Variants in UMODL1 observed in about 807,000 individuals in gnomAD.
UMODL1 encodes the protein uromodulin like 1.
In UMODL1, 128 loss-of-function variants were observed where a neutral mutation model predicts 136.3. The ratio of observed to expected loss-of-function variants is 0.94; its 90% CI spans 0.81 to 1.09. The LOEUF (loss-of-function observed/expected upper bound fraction) is 1.09, where lower values mean the gene tolerates loss of function less well. Ranked by LOEUF, UMODL1 falls within the 50% of genes least tolerant of loss-of-function variation. The probability of loss-of-function intolerance (pLI) is 0.00; values close to 1 mark genes in which losing one functional copy is unlikely to be tolerated. For synonymous variants in UMODL1, 721 were observed against 720.0 expected (o/e 1.00, Z -0.02); for missense variants, 1,766 against 1,725.6 (o/e 1.02, Z -0.41).
upstream of UMODL1, among the ~76,000 whole-genome samples, chr21:42,071,104 C>G (rs1208857663): frequency 6.6e-6 from 1 of 152,188 alleles, no homozygotes; most frequent in South Asian, 2.1e-4. Flanking sequence ...CCCAGGGAAA[C>G]GGCCATGGCA....
chr21:42,124,284 G>T (rs770365893), intron 17 of UMODL1, among the ~76,000 whole-genome samples: 14 of 152,238 alleles, frequency 9.2e-5, no homozygotes, highest in Admixed American at 7.8e-4. Flanking sequence ...GGCCTGGGCC[G>T]CATGGGCCTG....
At chr21:42,086,303 G>C (rs2066426109) in intron 4 of UMODL1, among the ~76,000 whole-genome samples, 1 of 152,244 alleles carries the variant, frequency 6.6e-6, no homozygotes, top group Non-Finnish European at 1.5e-5. Flanking sequence ...CTGTGTAGCT[G>C]TTCTGTGCTT....
At position 42,127,700 on chromosome 21, in the gene UMODL1, G is replaced by T. The variant is rs530023051; in HGVS notation, c.3559G>T (p.Val1187Leu). ...SCPVPNTYTN[V>L]IENGNSNKAQ... ...CCCTGTGCCCAACACATACACCAAC[G>T]TGATTGAGAACGGCAACTCCAATAA... Residue 1187 changes from valine to leucine, a missense_variant, in exon 20 of 23, where the codon GTG becomes TTG. Transcript: ENST00000408910. 3 of 1,614,096 alleles carry T rather than the reference G, an allele frequency of 1.9e-6. No homozygotes were observed. Among genetic ancestry groups the T allele is most frequent in the Middle Eastern group, 1.6e-4 (1 of 6,062 alleles).
At chr21:42,119,790 A>T (rs2066946115) in intron 15 of UMODL1, among the ~76,000 whole-genome samples, 1 of 152,274 alleles carries the variant, frequency 6.6e-6, no homozygotes. Context: ...TATCAGAAAC[A>T]AAAGACTTTT....
At chr21:42,131,030 G>C (rs1414913112) in intron 21 of UMODL1, among the ~76,000 whole-genome samples, 1 of 152,050 alleles carries the variant, frequency 6.6e-6, no homozygotes, top group African/African-American at 2.4e-5. Flanking sequence ...AGCCAGGATG[G>C]TCTCGATCTC....
rs372434194 is a variant in UMODL1 at position 42,076,154 on chromosome 21, C to A, written c.226C>A (p.Arg76=). 6.2e-7 allele frequency: 1 copy of A among 1,614,118 alleles called. No individual in the cohort carries two copies. Among genetic ancestry groups the A allele is most frequent in the African/African-American group, 1.3e-5 (1 of 74,932 alleles). ...PWRRCPKMVY[R]TQYLVVEVPE... is the part of the protein sequence containing the mutation. ...GAGGCGGTGCCCTAAGATGGTTTACCGGACACAGTACCTGGTAGTGGAGGT... is the reference window on the plus strand; with the variant it reads ...GAGGCGGTGCCCTAAGATGGTTTACAGGACACAGTACCTGGTAGTGGAGGT... The change falls in exon 2 of 23, where the codon CGG becomes AGG. Residue 76 remains arginine (R), a synonymous_variant. Coordinates refer to ENST00000408910, the MANE Select transcript of UMODL1 (RefSeq NM_001004416.3).
At chr21:42,074,460 C>G (rs1020948699) in intron 1 of UMODL1, among the ~76,000 whole-genome samples, 7 of 152,192 alleles carry the variant, frequency 4.6e-5, no homozygotes, top group South Asian at 2.1e-4. Flanking sequence ...TCAATTCAAA[C>G]TAGGCAGTAG....
chr21:42,098,156 T>C (rs1336512217), intron 6 of UMODL1, among the ~76,000 whole-genome samples: 2 of 147,684 alleles, frequency 1.4e-5, no homozygotes, highest in Non-Finnish European at 3.0e-5. Flanking sequence ...TTCTGTACGA[T>C]GACTGTATAC....
chr21:42,075,891 C>T (rs62215117), intron 1 of UMODL1, 114 bp from the exon 2 acceptor site: 52 of 1,487,898 alleles, frequency 3.5e-5, no homozygotes, highest in Admixed American at 1.3e-4. Flanking sequence ...GAGGCCTGCG[C>T]GAGTGCGGGA....
At position 42,088,431 on chromosome 21, in the gene UMODL1, G is replaced by A. The variant is rs771285245; in HGVS notation, c.741G>A (p.Leu247=). ...PLPVADVSTL[L]GDIAKRVYEV... The stretch of plus-strand genomic sequence containing the variant: ...CTGTGGCTGACGTCTCCACCCTGCT[G>A]GGTGACATTGCGAAGCGTGTCTATG... The change falls in exon 5 of 23, where the codon CTG becomes CTA. Residue 247 remains leucine (L), a synonymous_variant. Coordinates refer to ENST00000408910, the MANE Select transcript of UMODL1 (RefSeq NM_001004416.3). 1 of 1,613,634 alleles carries A rather than the reference G, an allele frequency of 6.2e-7. No individual in the cohort carries two copies. The highest frequency in any genetic ancestry group is 8.5e-7 in the Non-Finnish European group (1 of 1,179,644).
chr21:42,126,854 GC>G, intron 18 of UMODL1, 151 bp from the exon 19 acceptor site: 1 of 749,240 alleles, frequency 1.3e-6, no homozygotes, highest in Non-Finnish European at 2.3e-6. Context: ...TGAATAAATG[GC>G]CTCCAAGTGC....
At position 42,126,326 on chromosome 21, in the gene UMODL1, T is replaced by C; in HGVS notation, c.3148-19T>C. The C allele has an allele frequency of 1.2e-6, 2 of 1,613,484 alleles. No homozygotes were observed. Among genetic ancestry groups the C allele is most frequent in the Non-Finnish European group, 1.7e-6 (2 of 1,179,752 alleles). The stretch of plus-strand genomic sequence containing the variant: ...CCGGCTGGGGCCTGGGAGCTCCTCA[T>C]GCTCCGCTTTGTGCTCAGAACATGA... On this transcript the variant is annotated intron_variant, in intron 17 of 22. Coordinates refer to ENST00000408910, the MANE Select transcript of UMODL1 (RefSeq NM_001004416.3).
At position 42,085,446 on chromosome 21, in the gene UMODL1, C is replaced by T. The variant is rs2066415057; in HGVS notation, c.603+34C>T. 10 of 1,612,958 alleles carry T rather than the reference C, an allele frequency of 6.2e-6. No homozygotes were observed. Among genetic ancestry groups the T allele is most frequent in the South Asian group, 2.2e-5 (2 of 91,042 alleles). ...GACAGACGGGGGCTGCCTGCACCCT[C>T]CTTGTGGCAGCTGCTCAGGCAGACC... On this transcript the variant is annotated intron_variant, in intron 4 of 22. Transcript: ENST00000408910. The surrounding 1 kb of genome is among the most constrained non-coding windows in gnomAD (Gnocchi z 4.5).
In UMODL1 at chr21:42,122,998, G is replaced by T; in HGVS notation, c.2995G>T (p.Val999Phe). ...GGTGCTCTGTGAGATCGAGAAGGTG[G>T]TTGTCGCCATCCAGAAGCGCTTCCT... ...VRVLCEIEKVVVAIQKRFLQQ... is the reference protein window; with the variant it reads ...VRVLCEIEKVFVAIQKRFLQQ... Residue 999 changes from valine (V) to phenylalanine (F), a missense_variant, in exon 17 of 23, where the codon GTT (valine) becomes TTT (phenylalanine). By Grantham distance (50) the Val-to-Phe change is conservative (BLOSUM62 -1). Coordinates refer to ENST00000408910, the MANE Select transcript of UMODL1 (RefSeq NM_001004416.3). This position sits in a 1 kb window ranked among gnomAD's most constrained non-coding sequence, Gnocchi z 4.3. 1 of 1,614,112 alleles carries T rather than the reference G, an allele frequency of 6.2e-7. No individual in the cohort carries two copies. The highest frequency in any genetic ancestry group is 8.5e-7 in the Non-Finnish European group (1 of 1,180,034).
intron 4 of UMODL1, chr21:42,086,617 GTGACCTTGGGTAAGTCACT>G (rs1281136833): frequency 2.2e-6 from 1 of 455,054 alleles, no homozygotes; most frequent in Non-Finnish European, 4.4e-6. Context: ...CATCAGCTGT[GTGACCTTGGGTAAGTCACT>G]TAACCTCTCT....
rs2066993013 is a variant in UMODL1, at chr21:42,122,777, T to G, written c.2828-54T>G. On this transcript the variant is annotated intron_variant, in intron 16 of 22. Transcript: ENST00000408910. This position sits in a 1 kb window ranked among gnomAD's most constrained non-coding sequence, Gnocchi z 4.3. ...TCTGCTCCTTACCCCTGCCCCTCCATGCCAACCCCAAACACAGAGCCACTC... is the reference window on the plus strand; with the variant it reads ...TCTGCTCCTTACCCCTGCCCCTCCAGGCCAACCCCAAACACAGAGCCACTC... The G allele has an allele frequency of 5.9e-6, 9 of 1,526,516 alleles. No individual in the cohort carries two copies. Among genetic ancestry groups the G allele is most frequent in the Non-Finnish European group, 7.0e-6 (8 of 1,136,264 alleles). The allele number at this position is 1,526,516 out of a possible 1,614,324, so 94.6% of individuals were successfully genotyped here.
chr21:42,077,993 G>A (rs1382318440), intron 2 of UMODL1, among the ~76,000 whole-genome samples: 2 of 152,208 alleles, frequency 1.3e-5, no homozygotes, highest in African/African-American at 4.8e-5. Context: ...TGATGACAGG[G>A]AGAGTTGATG....
intron 5 of UMODL1, among the ~76,000 whole-genome samples, chr21:42,089,495 C>T (rs554713792): frequency 1.2e-4 from 19 of 152,332 alleles, no homozygotes; most frequent in African/African-American, 4.3e-4. Context: ...GTTTATTATT[C>T]GAGGCAGCGA....
chr21:42,078,957 A>C (rs1280520851), intron 2 of UMODL1, among the ~76,000 whole-genome samples: 1 of 151,944 alleles, frequency 6.6e-6, no homozygotes, highest in Non-Finnish European at 1.5e-5. Flanking sequence ...CTGTGCAACA[A>C]CTCCACTCCT....
Sources: allele counts gnomAD v4.1 joint callset (sites outside exome capture counted in the v4.1 genomes callset), GRCh38; gene constraint gnomAD v4.1.1; non-coding constraint Gnocchi (gnomAD v3.1); transcripts MANE v1.5; gene names NCBI Gene and HGNC (gene_info 2026-07-23, HGNC 2026-07-21).